Variants in PERP observed in about 807,000 individuals in gnomAD.
PERP encodes p53 apoptosis effector related to PMP-22.
A neutral mutation model predicts 20.3 loss-of-function variants in PERP; 11 were observed. That is an observed-to-expected ratio of 0.54 (90% CI 0.34 to 0.90). The LOEUF is 0.90. Ranked by LOEUF, PERP falls within the 40% of genes least tolerant of loss-of-function variation. PERP has a pLI of 0.02. For synonymous variants in PERP, 101 were observed against 102.0 expected, an observed-to-expected ratio of 0.99 and a Z score of 0.06; for missense variants, 224 against 249.4, an observed-to-expected ratio of 0.90 and a Z score of 0.69.
At chr6:138,095,455 C>T (rs569762600) in intron 2 of PERP, among the ~76,000 whole-genome samples, 6 of 152,258 alleles carry the variant, frequency 3.9e-5, no homozygotes, top group African/African-American at 1.2e-4. Flanking sequence ...ATCATATAGA[C>T]CCCTTAGAGT....
chr6:138,107,224 G>A lies in PERP; in HGVS notation c.117C>T (p.Ser39=). 1.9e-6 allele frequency: 3 copies of A among 1,612,364 alleles called. No homozygotes were observed. Among genetic ancestry groups the A allele is most frequent in the Non-Finnish European group, 2.5e-6 (3 of 1,179,710 alleles). The change falls in exon 1 of 3, where the codon AGC becomes AGT. Residue 39 remains serine, a synonymous_variant. Transcript: ENST00000421351. This position sits in a 1 kb window ranked among gnomAD's most constrained non-coding sequence, Gnocchi z 4.8. The stretch of plus-strand genomic sequence containing the variant: ...ACAGCGAGGACGTCTGGCCGTGGTC[G>A]CTAGACTGCAACCAGCCGCGGCCGG... The part of the protein sequence containing the change: ...ALAGRGWLQS[S]DHGQTSSLWW...
chr6:138,094,180 A>G (rs1775638008), intron 2 of PERP, among the ~76,000 whole-genome samples: 1 of 152,226 alleles, frequency 6.6e-6, no homozygotes, highest in African/African-American at 2.4e-5. Flanking sequence ...CTCTAAGTGT[A>G]CAATTCAGTG....
rs181501630 is a variant in PERP, at chr6:138,100,028, A to C, written c.215-3534T>G. On this transcript the variant is annotated intron_variant, in intron 1 of 2. Coordinates refer to ENST00000421351, the MANE Select transcript of PERP (RefSeq NM_022121.5). ...CAGAAACACCCACATTGAATCACTT[A>C]ACTATCATTTAAGACAGAAAACTTG... Among the ~76,000 whole-genome samples the C allele has an allele frequency of 3.0e-4, 45 of 152,332 alleles. No individual in the cohort carries two copies. In the East Asian group the frequency reaches 8.3e-3, roughly 28 times the overall value.
chr6:138,092,025 C>T lies in PERP; in HGVS notation c.*17G>A, dbSNP rs1393399716. On this transcript the variant is annotated 3_prime_UTR_variant, in exon 3 of 3. Coordinates refer to ENST00000421351, the MANE Select transcript of PERP (RefSeq NM_022121.5). ...CCATCTCAGCAGCAGCGATTTTCTC[C>T]CACATTCATTCCCAAGTTAGGCAGA... 4.4e-6 allele frequency: 7 copies of T among 1,606,512 alleles called. No individual in the cohort carries two copies. The highest frequency in any genetic ancestry group is 5.1e-6 in the Non-Finnish European group (6 of 1,174,264).
At chr6:138,100,179 G>C (rs1775751145) in intron 1 of PERP, among the ~76,000 whole-genome samples, 1 of 152,174 alleles carries the variant, frequency 6.6e-6, no homozygotes, top group Admixed American at 6.5e-5. Context: ...CCACCGTTCT[G>C]TCTGAGAAGG....
chr6:138,093,251 G>C (rs546501022), intron 2 of PERP, among the ~76,000 whole-genome samples: 2 of 152,130 alleles, frequency 1.3e-5, no homozygotes, highest in South Asian at 2.1e-4. Context: ...TCTCCACAAG[G>C]AGGGACCAAG....
At chr6:138,093,950 C>T (rs666769) in intron 2 of PERP, among the ~76,000 whole-genome samples, 96,851 of 152,004 alleles carry the variant, frequency 0.64, 31,692 homozygotes, top group East Asian at 0.94. Context: ...AAAATGAAAA[C>T]ACTAGGTTAA....
At chr6:138,096,201 A>G (rs753525075) in intron 2 of PERP, among the ~76,000 whole-genome samples, 153 bp downstream of exon 2, 2 of 152,212 alleles carry the variant, frequency 1.3e-5, no homozygotes, top group African/African-American at 2.4e-5. Context: ...ATCTTAAAAC[A>G]CATCTCTCCT....
intron 1 of PERP, among the ~76,000 whole-genome samples, chr6:138,102,875 G>A (rs945842433): frequency 2.6e-5 from 4 of 151,978 alleles, no homozygotes; most frequent in Admixed American, 6.5e-5. Context: ...CGAGGTGGGC[G>A]GATCACGAGG....
At position 138,107,054 on chromosome 6, in the gene PERP, C is replaced by A; in HGVS notation, c.214+73G>T. ...CCCGACCCTGTGAGGGCCCATCACG[C>A]GCGGCGGCTTTTGCAGGCCGCGGCC... On this transcript the variant is annotated intron_variant, in intron 1 of 2. Transcript: ENST00000421351. This position sits in a 1 kb window ranked among gnomAD's most constrained non-coding sequence, Gnocchi z 4.8. 1 of 1,458,604 alleles carries A rather than the reference C, an allele frequency of 6.9e-7. No homozygotes were observed. Among genetic ancestry groups the A allele is most frequent in the Non-Finnish European group, 9.2e-7 (1 of 1,084,596 alleles). The allele number at this position is 1,458,604 out of a possible 1,614,324, so 90.4% of individuals were successfully genotyped here.
Position 138,092,114 on chromosome 6 carries a change from G to A in PERP, c.510C>T (p.Phe170=), listed in dbSNP as rs770828393. ...TIILIGCAFF[F]CCLPNYEDDL... ...CATCTTCGTAGTTGGGGAGGCAGCA[G>A]AAGAAGAAGGCACAGCCAATCAGGA... The change falls in exon 3 of 3, where the codon TTC becomes TTT. Residue 170 remains phenylalanine, a synonymous_variant. Transcript: ENST00000421351. 6.8e-6 allele frequency: 11 copies of A among 1,613,916 alleles called. No individual in the cohort carries two copies. The South Asian group carries it at 1.1e-4, about 16-fold the overall frequency.
In PERP at chr6:138,089,627, G is replaced by A. The variant is rs1775546100; in HGVS notation, c.*2415C>T. ...CATGCAATGCACTGTTAGCCTTCAG[G>A]TGGTTTCTCAGCCCAATTCTTCATT... On this transcript the variant is annotated 3_prime_UTR_variant, in exon 3 of 3. Coordinates refer to ENST00000421351, the MANE Select transcript of PERP (RefSeq NM_022121.5). The A allele has an allele frequency of 6.6e-6, 1 of 152,128 alleles. No individual in the cohort carries two copies. Among genetic ancestry groups the A allele is most frequent in the Non-Finnish European group, 1.5e-5 (1 of 68,028 alleles). 9.4% of individuals were successfully genotyped at this position (152,128 alleles called of 1,614,324 possible).
intron 2 of PERP, among the ~76,000 whole-genome samples, chr6:138,094,200 G>A (rs678446): frequency 0.66 from 99,991 of 151,676 alleles, 33,433 homozygotes; most frequent in East Asian, 0.94. Context: ...GGTATTAAAT[G>A]AATTCACAAT....
At chr6:138,106,675 GC>G (rs925206301) in intron 1 of PERP, among the ~76,000 whole-genome samples, 8 of 152,074 alleles carry the variant, frequency 5.3e-5, no homozygotes, top group African/African-American at 1.9e-4. Flanking sequence ...AGTTTTTTCA[GC>G]TATATCAAGT....
intron 2 of PERP, among the ~76,000 whole-genome samples, chr6:138,094,711 G>A (rs1176757888): frequency 6.6e-6 from 1 of 152,048 alleles, no homozygotes; most frequent in Non-Finnish European, 1.5e-5. Flanking sequence ...TAATGTCTCA[G>A]TGTGTTATTT....
chr6:138,100,305 C>T (rs1407275543), intron 1 of PERP, among the ~76,000 whole-genome samples: 3 of 152,154 alleles, frequency 2.0e-5, no homozygotes, highest in Non-Finnish European at 2.9e-5. Context: ...TAGAATGAGC[C>T]TACTTTCTAC....
At chr6:138,098,447 T>C (rs534861072) in intron 1 of PERP, among the ~76,000 whole-genome samples, 9 of 152,222 alleles carry the variant, frequency 5.9e-5, no homozygotes, top group Non-Finnish European at 1.0e-4. Flanking sequence ...TCCAAGATGA[T>C]GGAAGCACAC....
intron 1 of PERP, among the ~76,000 whole-genome samples, chr6:138,100,112 C>T (rs1339383462): frequency 6.6e-6 from 1 of 152,204 alleles, no homozygotes; most frequent in South Asian, 2.1e-4. Flanking sequence ...AAGCAATCTG[C>T]CTTCTCATGT....
chr6:138,096,080 G>A (rs1387417310), intron 2 of PERP, among the ~76,000 whole-genome samples: 1 of 152,176 alleles, frequency 6.6e-6, no homozygotes, highest in Non-Finnish European at 1.5e-5. Flanking sequence ...GGGTAGAGGA[G>A]TCAGTGGATA....
Sources: gnomAD v4.1 joint callset for allele counts (sites outside exome capture counted in the v4.1 genomes callset) on GRCh38, gnomAD v4.1.1 for gene constraint, Gnocchi (gnomAD v3.1) non-coding constraint, MANE v1.5 for transcripts, NCBI Gene and HGNC (gene_info 2026-07-23, HGNC 2026-07-21) for gene names.